MYO18B: variants seen among roughly 807,000 people sequenced by gnomAD.
The protein encoded by MYO18B is unconventional myosin-XVIIIb.
Under a neutral mutation model 273.0 loss-of-function variants are expected in MYO18B, and 204 were observed. The observed-to-expected ratio is 0.75, with a 90% CI of 0.67 to 0.84. MYO18B has a LOEUF of 0.84. MYO18B is among the 40% of genes least tolerant of loss of function. The pLI is 0.00. For synonymous variants in MYO18B, 1,330 were observed against 1,305.7 expected (o/e 1.02, Z -0.40); for missense variants, 3,212 against 3,287.6 (o/e 0.98, Z 0.56).
At chr22:26,048,984 G>A in the MYO18B span, among the ~76,000 whole-genome samples, 8 of 152,080 alleles carry the variant, frequency 5.3e-5, no homozygotes, top group Admixed American at 1.3e-4. Flanking sequence ...CCTGGGTCAC[G>A]AAATAATCTG....
In MYO18B at chr22:26,004,734, C is replaced by G; in HGVS notation, c.6349C>G (p.Leu2117Val). The change falls in exon 42 of 44, where the codon CTC (leucine) becomes GTC (valine). Residue 2117 changes from leucine (L) to valine (V), a missense_variant. Transcript: ENST00000335473. ...GRKEMDNVSILSSQPEGSLQS... is the reference protein window; with the variant it reads ...GRKEMDNVSIVSSQPEGSLQS... ...TTATTCTAGGGATAACGTCTCCATC[C>G]TCAGCTCCCAGCCAGAGGGCAGCCT... The G allele has an allele frequency of 1.2e-6, 2 of 1,613,804 alleles. No individual in the cohort carries two copies. The highest frequency in any genetic ancestry group is 2.7e-5 in the African/African-American group (2 of 75,022).
In MYO18B at chr22:25,798,478, T is replaced by C. The variant is rs375261465; in HGVS notation, c.2521+381T>C. ...GTAGTCATAGGTAGCCAGTGGCTAC[T>C]GTACTGGCAGTACAGTAGGGCAGCT... On this transcript the variant is annotated intron_variant, in intron 12 of 43. Coordinates refer to ENST00000335473, the MANE Select transcript of MYO18B (RefSeq NM_032608.7). Among the ~76,000 whole-genome samples, 3 of 152,322 alleles carry C rather than the reference T, an allele frequency of 2.0e-5. No individual in the cohort carries two copies. In the East Asian group the frequency reaches 5.8e-4, roughly 29 times the overall value.
intron 34 of MYO18B, among the ~76,000 whole-genome samples, chr22:25,928,672 G>T (rs944611605): frequency 6.6e-6 from 1 of 152,096 alleles, no homozygotes; most frequent in Non-Finnish European, 1.5e-5. Flanking sequence ...CAATACAGAA[G>T]ACTCCTGAAA....
intron 12 of MYO18B, among the ~76,000 whole-genome samples, chr22:25,822,351 GTC>G (rs2089314478): frequency 6.6e-6 from 1 of 152,166 alleles, no homozygotes; most frequent in South Asian, 2.1e-4. Context: ...AACTCCTTTG[GTC>G]TCTCTTGATC....
chr22:25,783,965 A>G (rs184735347), intron 10 of MYO18B, among the ~76,000 whole-genome samples: 2 of 152,350 alleles, frequency 1.3e-5, no homozygotes, highest in Admixed American at 6.5e-5. Flanking sequence ...GGAAGCTTCC[A>G]AAGGTCAAAA....
chr22:25,752,188 ATTTT>A (rs10562664), intron 1 of MYO18B, among the ~76,000 whole-genome samples: 38 of 137,252 alleles, frequency 2.8e-4, no homozygotes, highest in African/African-American at 3.8e-4. Flanking sequence ...ATTTTAATTA[ATTTT>A]TTTTTTTTTT....
chr22:25,852,018 A>G (rs555831046), intron 21 of MYO18B, among the ~76,000 whole-genome samples: 4 of 152,318 alleles, frequency 2.6e-5, no homozygotes, highest in East Asian at 3.9e-4. Flanking sequence ...TCCCAGCTAA[A>G]AGGGACCCTA....
intron 42 of MYO18B, among the ~76,000 whole-genome samples, chr22:26,012,821 T>C (rs1186121078): frequency 6.6e-6 from 1 of 152,244 alleles, no homozygotes. Flanking sequence ...AAGGTTTTGT[T>C]ACGCAAATTT....
intron 12 of MYO18B, among the ~76,000 whole-genome samples, chr22:25,810,862 T>C (rs2088717102): frequency 6.6e-6 from 1 of 152,182 alleles, no homozygotes; most frequent in South Asian, 2.1e-4. Context: ...GAACCAATAC[T>C]GATACTCTAT....
intron 1 of MYO18B, among the ~76,000 whole-genome samples, chr22:25,757,877 T>G (rs983243203): frequency 2.6e-5 from 4 of 152,238 alleles, no homozygotes; most frequent in Admixed American, 6.5e-5. Flanking sequence ...AATCTTACTT[T>G]ACAAGCTGAG....
the MYO18B span, among the ~76,000 whole-genome samples, chr22:26,051,316 C>T: frequency 1.1e-3 from 167 of 151,202 alleles, no homozygotes; most frequent in Non-Finnish European, 1.1e-3. Context: ...CTCCACCTCC[C>T]GGGTTCACGC....
At chr22:25,777,809 A>AGTT in intron 8 of MYO18B, 28 bp downstream of exon 8, 2 of 1,553,342 alleles carry the variant, frequency 1.3e-6, no homozygotes, top group Non-Finnish European at 1.7e-6. Context: ...TGACATGGAG[A>AGTT]GTTGGGGTCA....
intron 1 of MYO18B, among the ~76,000 whole-genome samples, chr22:25,748,617 G>T (rs1291487128): frequency 6.6e-6 from 1 of 152,166 alleles, no homozygotes; most frequent in Non-Finnish European, 1.5e-5. Flanking sequence ...ATTTCTGGCA[G>T]CCTTCACACC....
intron 16 of MYO18B, among the ~76,000 whole-genome samples, chr22:25,834,142 CTTT>C (rs935617161): frequency 7.0e-6 from 1 of 142,104 alleles, no homozygotes; most frequent in African/African-American, 2.7e-5. Context: ...CCTTCTTCTT[CTTT>C]TTTTTTTTCT....
chr22:25,960,443 C>T (rs933452334), intron 39 of MYO18B, among the ~76,000 whole-genome samples: 8 of 152,164 alleles, frequency 5.3e-5, no homozygotes, highest in African/African-American at 1.9e-4. Flanking sequence ...TCAGAGGCTG[C>T]ACCTGTTGGG....
chr22:25,917,209 A>G (rs1450185047), intron 33 of MYO18B, among the ~76,000 whole-genome samples: 1 of 152,216 alleles, frequency 6.6e-6, no homozygotes, highest in Non-Finnish European at 1.5e-5. Flanking sequence ...GTTTTAAAAT[A>G]CATGATTATG....
At chr22:25,952,190 A>G in intron 37 of MYO18B, 96 bp from the exon 38 acceptor site, 1 of 1,377,366 alleles carries the variant, frequency 7.3e-7, no homozygotes, top group South Asian at 1.3e-5. Flanking sequence ...GGTGGTGTGA[A>G]TAGCTCCTCC....
chr22:25,986,900 G>A (rs1050553194), intron 39 of MYO18B, among the ~76,000 whole-genome samples: 1 of 152,080 alleles, frequency 6.6e-6, no homozygotes, highest in Non-Finnish European at 1.5e-5. Flanking sequence ...ATATATACAT[G>A]TTTATATATA....
At chr22:26,014,201 G>A (rs1162909889) in intron 42 of MYO18B, among the ~76,000 whole-genome samples, 1 of 152,162 alleles carries the variant, frequency 6.6e-6, no homozygotes, top group Non-Finnish European at 1.5e-5. Context: ...TCATTGTGGT[G>A]TGAGGTAGGG....
Sources: gnomAD v4.1 joint callset for allele counts (sites outside exome capture counted in the v4.1 genomes callset) on GRCh38, gnomAD v4.1.1 for gene constraint, MANE v1.5 for transcripts, NCBI Gene and HGNC (gene_info 2026-07-23, HGNC 2026-07-21) for gene names.